The following NOS1AP variants were observed in gnomAD, a reference collection of about 807,000 sequenced individuals.
NOS1AP encodes the protein carboxyl-terminal PDZ ligand of neuronal nitric oxide synthase protein.
In NOS1AP, 21 loss-of-function variants were observed where a neutral mutation model predicts 56.2. The observed-to-expected ratio is 0.37, with a 90% CI of 0.26 to 0.54. The LOEUF (loss-of-function observed/expected upper bound fraction) is 0.54, where lower values mean the gene tolerates loss of function less well. Among genes scored for constraint, NOS1AP ranks in the 20% least tolerant of loss-of-function variants. The pLI is 0.84. For synonymous variants in NOS1AP, 270 were observed against 274.6 expected, an observed-to-expected ratio of 0.98 and a Z score of 0.17; for missense variants, 522 against 657.8, an observed-to-expected ratio of 0.79 and a Z score of 2.26.
intron 2 of NOS1AP, among the ~76,000 whole-genome samples, chr1:162,181,599 A>G (rs185517512): frequency 2.0e-5 from 3 of 152,254 alleles, no homozygotes; most frequent in East Asian, 3.9e-4. Flanking sequence ...CTTTTCTAGT[A>G]CCAGCTGCCC....
intron 6 of NOS1AP, 93 bp downstream of exon 6, chr1:162,344,069 C>T: frequency 7.3e-7 from 1 of 1,370,272 alleles, no homozygotes; most frequent in South Asian, 1.2e-5. Flanking sequence ...GCTGTGAACT[C>T]ATTTTAAGAA....
At chr1:162,352,215 A>G (rs1467971377) in intron 6 of NOS1AP, among the ~76,000 whole-genome samples, 1 of 152,086 alleles carries the variant, frequency 6.6e-6, no homozygotes, top group Non-Finnish European at 1.5e-5. Context: ...ATGTACCACC[A>G]TGCCCAGCTA....
intron 9 of NOS1AP, among the ~76,000 whole-genome samples, chr1:162,365,983 G>A (rs1173538478): frequency 6.6e-6 from 1 of 152,102 alleles, no homozygotes; most frequent in East Asian, 1.9e-4. Flanking sequence ...TTGTTTCTTA[G>A]TTTACTACTC....
intron 2 of NOS1AP, among the ~76,000 whole-genome samples, chr1:162,258,639 A>C (rs1654111047): frequency 6.6e-6 from 1 of 152,198 alleles, no homozygotes; most frequent in African/African-American, 2.4e-5. Flanking sequence ...ATTGCCTGAC[A>C]GTAATGCCTA....
intron 2 of NOS1AP, among the ~76,000 whole-genome samples, chr1:162,217,203 A>G (rs530257150): frequency 7.3e-5 from 11 of 150,366 alleles, no homozygotes; most frequent in African/African-American, 9.8e-5. Context: ...TCTGGGTCCA[A>G]ATTGGTACTC....
chr1:162,339,310 G>T, intron 5 of NOS1AP, among the ~76,000 whole-genome samples: 1 of 151,968 alleles, frequency 6.6e-6, no homozygotes, highest in East Asian at 1.9e-4. Flanking sequence ...TGGACGAGAA[G>T]ATTTGATCCG....
intron 6 of NOS1AP, among the ~76,000 whole-genome samples, chr1:162,345,300 T>TC (rs922804365): frequency 1.4e-3 from 114 of 79,300 alleles, no homozygotes; most frequent in African/African-American, 5.3e-3. Context: ...AAGCTATCCC[T>TC]CCCCCCTCCC....
rs560233423 is a variant in NOS1AP, at chr1:162,123,913, T to C, written c.106-30492T>C. ...AGAATATTTTCTTATATAATCATAG[T>C]ACAGTTGTCAAATTAAAAAAATAAT... On this transcript the variant is annotated intron_variant, in intron 1 of 9. Coordinates refer to ENST00000361897, the MANE Select transcript of NOS1AP (RefSeq NM_014697.3). Among the ~76,000 whole-genome samples the C allele has an allele frequency of 3.9e-5, 6 of 152,298 alleles. 1 individual carries two copies. In the South Asian group the frequency reaches 1.2e-3, roughly 32 times the overall value.
intron 2 of NOS1AP, among the ~76,000 whole-genome samples, chr1:162,234,920 G>T (rs1019584390): frequency 1.8e-4 from 27 of 152,176 alleles, no homozygotes; most frequent in African/African-American, 6.5e-4. Flanking sequence ...TGTTGAGGCA[G>T]AACCCTACTC....
At chr1:162,297,595 C>T (rs1655507232) in intron 3 of NOS1AP, among the ~76,000 whole-genome samples, 1 of 152,138 alleles carries the variant, frequency 6.6e-6, no homozygotes, top group South Asian at 2.1e-4. Flanking sequence ...GGCCCAGGGT[C>T]ACATCAGAAC....
At chr1:162,289,138 C>T (rs2101739909) in intron 3 of NOS1AP, among the ~76,000 whole-genome samples, 1 of 152,300 alleles carries the variant, frequency 6.6e-6, no homozygotes, top group South Asian at 2.1e-4. Context: ...CCAGAATCTT[C>T]CCACCACCCC....
intron 3 of NOS1AP, among the ~76,000 whole-genome samples, chr1:162,289,469 C>T (rs12757553): frequency 0.83 from 71,231 of 85,532 alleles, 29,274 homozygotes; most frequent in Middle Eastern, 0.87. Context: ...AGCTACTTTT[C>T]TTTTTTTTTT....
At chr1:162,185,874 T>C (rs1164451027) in intron 2 of NOS1AP, among the ~76,000 whole-genome samples, 3 of 152,224 alleles carry the variant, frequency 2.0e-5, no homozygotes, top group African/African-American at 7.2e-5. Context: ...TCTGGAATCA[T>C]ATTTTAATTC....
intron 5 of NOS1AP, among the ~76,000 whole-genome samples, chr1:162,342,105 G>A (rs1007178176): frequency 1.1e-4 from 17 of 152,202 alleles, no homozygotes; most frequent in African/African-American, 3.9e-4. Flanking sequence ...AAGGGTAGAT[G>A]TAGAAAACAG....
intron 1 of NOS1AP, among the ~76,000 whole-genome samples, chr1:162,104,422 T>A (rs759585287): frequency 6.6e-6 from 1 of 152,184 alleles, no homozygotes; most frequent in African/African-American, 2.4e-5. Flanking sequence ...TTACTAAGGT[T>A]CTCTGCATTT....
At chr1:162,114,482 G>C (rs1229107034) in intron 1 of NOS1AP, among the ~76,000 whole-genome samples, 1 of 152,132 alleles carries the variant, frequency 6.6e-6, no homozygotes, top group African/African-American at 2.4e-5. Flanking sequence ...CTAAAAGCCA[G>C]CTAATTATGG....
At chr1:162,327,110 G>C (rs899170936) in intron 4 of NOS1AP, among the ~76,000 whole-genome samples, 2 of 152,188 alleles carry the variant, frequency 1.3e-5, no homozygotes, top group Non-Finnish European at 2.9e-5. Context: ...CTGAAGATGA[G>C]AGAAAAAGGG....
chr1:162,157,223 A>G (rs1293521354), intron 2 of NOS1AP: 1 of 153,616 alleles, frequency 6.5e-6, no homozygotes, highest in Non-Finnish European at 1.5e-5. Flanking sequence ...CTCCCTTCCT[A>G]TGTGCTGCTT....
intron 1 of NOS1AP, among the ~76,000 whole-genome samples, chr1:162,123,021 C>T (rs963026959): frequency 6.6e-6 from 1 of 152,092 alleles, no homozygotes; most frequent in Non-Finnish European, 1.5e-5. Flanking sequence ...ATCTATTCGA[C>T]GAGTATTTAT....
Sources: gnomAD v4.1 joint callset for allele counts (sites outside exome capture counted in the v4.1 genomes callset) on GRCh38, gnomAD v4.1.1 for gene constraint, MANE v1.5 for transcripts, NCBI Gene and HGNC (gene_info 2026-07-23, HGNC 2026-07-21) for gene names.